SCARB1: variants seen among roughly 807,000 people sequenced by gnomAD.
SCARB1 encodes scavenger receptor class B member 1.
Under a neutral mutation model 57.2 loss-of-function variants are expected in SCARB1, and 30 were observed. The observed-to-expected ratio is 0.52, with a 90% confidence interval of 0.39 to 0.71. The LOEUF (loss-of-function observed/expected upper bound fraction) is 0.71, where lower values mean the gene tolerates loss of function less well. Ranked by LOEUF, SCARB1 falls within the 30% of genes least tolerant of loss-of-function variation. The pLI, the probability that SCARB1 is intolerant of heterozygous loss-of-function variation, is 0.00. For synonymous variants in SCARB1, 249 were observed against 268.3 expected (o/e 0.93, Z 0.70); for missense variants, 543 against 671.2 (o/e 0.81, Z 2.11).
chr12:124,801,338 G>T (rs970088337), intron 7 of SCARB1, among the ~76,000 whole-genome samples: 2 of 152,192 alleles, frequency 1.3e-5, no homozygotes, highest in African/African-American at 2.4e-5. Flanking sequence ...TCCTTTTGGG[G>T]TGACAGAAAT....
chr12:124,787,563 A>T (rs1300587559), intron 9 of SCARB1, 106 bp from the exon 10 acceptor site: 2 of 962,242 alleles, frequency 2.1e-6, no homozygotes, highest in Non-Finnish European at 3.2e-6. Context: ...AATTTTGCAC[A>T]CACTAAACCC....
rs751960674 is a variant in SCARB1 at position 124,814,142 on chromosome 12, G to A, written c.630+60C>T. 383 of 1,488,846 alleles carry A rather than the reference G, an allele frequency of 2.6e-4. 1 individual carries two copies. The highest frequency in any genetic ancestry group is 3.1e-4 in the Non-Finnish European group (330 of 1,066,686). The allele number at this position is 1,488,846 out of a possible 1,614,324, so 92.2% of individuals were successfully genotyped here. A position where few individuals can be genotyped will look rare whatever the true frequency, so the allele number is the denominator to read the frequency against. Reference sequence around the variant, plus strand: ...CAAGCTGGTGACCAGTGTCCAGGCTGTGTGAGGGGAAGACAGGACACAGGC... The same window carrying A: ...CAAGCTGGTGACCAGTGTCCAGGCTATGTGAGGGGAAGACAGGACACAGGC... On this transcript the variant is annotated intron_variant, in intron 4 of 12. Coordinates refer to ENST00000261693, the MANE Select transcript of SCARB1 (RefSeq NM_005505.5). The surrounding 1 kb of genome is among the most constrained non-coding windows in gnomAD (Gnocchi z 4.7).
chr12:124,843,688 T>A (rs1952009917), intron 1 of SCARB1, among the ~76,000 whole-genome samples: 1 of 152,076 alleles, frequency 6.6e-6, no homozygotes, highest in African/African-American at 2.4e-5. Flanking sequence ...GATGAGATCA[T>A]CCTGGATTTA....
chr12:124,814,162 A>C lies in SCARB1; in HGVS notation c.630+40T>G. 6.8e-5 allele frequency: 101 copies of C among 1,494,648 alleles called. No individual in the cohort carries two copies. The highest frequency in any genetic ancestry group is 8.7e-5 in the Non-Finnish European group (93 of 1,071,738). 92.6% of individuals were successfully genotyped at this position (1,494,648 alleles called of 1,614,324 possible). A position where few individuals can be genotyped will look rare whatever the true frequency, so the allele number is the denominator to read the frequency against. ...AGGCTGTGTGAGGGGAAGACAGGAC[A>C]CAGGCCTGAATCTTTGGCTTCTCAC... On this transcript the variant is annotated intron_variant, in intron 4 of 12. Coordinates refer to ENST00000261693, the MANE Select transcript of SCARB1 (RefSeq NM_005505.5). The surrounding 1 kb of genome is among the most constrained non-coding windows in gnomAD (Gnocchi z 4.7).
At chr12:124,835,005 G>A (rs900271044) in intron 1 of SCARB1, among the ~76,000 whole-genome samples, 4 of 152,162 alleles carry the variant, frequency 2.6e-5, no homozygotes, top group African/African-American at 4.8e-5. Flanking sequence ...CAGGTCTGCC[G>A]ACTCAGACAC....
Position 124,810,095 on chromosome 12 carries a change from C to T in SCARB1, c.842+79G>A. 1 of 886,996 alleles carries T rather than the reference C, an allele frequency of 1.1e-6. No individual in the cohort carries two copies. Among genetic ancestry groups the T allele is most frequent in the Non-Finnish European group, 1.9e-6 (1 of 534,200 alleles). The allele number at this position is 886,996 out of a possible 1,614,324, so 54.9% of individuals were successfully genotyped here. On this transcript the variant is annotated intron_variant, in intron 6 of 12. Coordinates refer to ENST00000261693, the MANE Select transcript of SCARB1 (RefSeq NM_005505.5). The surrounding 1 kb of genome is among the most constrained non-coding windows in gnomAD (Gnocchi z 4.0). ...AATCCACGATGAGTCAAAATGCTTT[C>T]CAAGTGCACAGCCAACACCACAGAA...
At chr12:124,785,051 C>G (rs1438234445) in intron 11 of SCARB1, 1 of 152,384 alleles carries the variant, frequency 6.6e-6, no homozygotes, top group East Asian at 1.9e-4. Context: ...CCTGCTGCTT[C>G]TGGAGGTCTG....
At chr12:124,843,299 G>T (rs12299310) in intron 1 of SCARB1, among the ~76,000 whole-genome samples, 2,646 of 143,366 alleles carry the variant, frequency 0.018, 129 homozygotes, top group African/African-American at 0.063. Context: ...ATGGGGGGGG[G>T]GGTCTTACTA....
intron 10 of SCARB1, among the ~76,000 whole-genome samples, chr12:124,787,109 T>C (rs759223121): frequency 2.0e-5 from 3 of 152,222 alleles, no homozygotes; most frequent in Non-Finnish European, 4.4e-5. Flanking sequence ...CTTCCCCACT[T>C]TCAGGAGAAG....
intron 1 of SCARB1, chr12:124,821,572 A>G: frequency 1.0e-6 from 1 of 984,722 alleles, no homozygotes; most frequent in Non-Finnish European, 1.2e-6. Flanking sequence ...ATCTTCAGAG[A>G]CCCAGCGCAG....
In SCARB1 at chr12:124,828,045, T is replaced by C. The variant is rs78721887; in HGVS notation, c.127-10338A>G. ...AGCAAAAGTGAGACCTGAAACCATA[T>C]AATCAACGTGGAAATGTCTAGCGGG... On this transcript the variant is annotated intron_variant, in intron 1 of 12. Coordinates refer to ENST00000261693, the MANE Select transcript of SCARB1 (RefSeq NM_005505.5). 1.0e-3 allele frequency among the ~76,000 whole-genome samples: 155 copies of C among 152,160 alleles called. No individual in the cohort carries two copies. In the East Asian group the frequency reaches 0.01, roughly 10 times the overall value.
chr12:124,779,471 C>A (rs1211420649), intron 12 of SCARB1, among the ~76,000 whole-genome samples: 1 of 151,894 alleles, frequency 6.6e-6, no homozygotes, highest in Admixed American at 6.6e-5. Context: ...ATGCGGGGCG[C>A]AGGACGTGGG....
chr12:124,800,129 G>A lies in SCARB1; in HGVS notation c.1123C>T (p.His375Tyr). Reference protein sequence around the residue: ...QEAHSLFLDIHPVTGIPMNCS... With the variant: ...QEAHSLFLDIYPVTGIPMNCS... ...AGAGGATGGCAGGGGCTCACCGGGT[G>A]GATGTCCAGGAACAAGGAGTGTGCC... is the stretch of plus-strand genomic sequence containing the variant. The change falls in exon 8 of 13, where the codon CAC becomes TAC. Residue 375 changes from histidine (H) to tyrosine (Y), a missense_variant. Coordinates refer to ENST00000261693, the MANE Select transcript of SCARB1 (RefSeq NM_005505.5). This position sits in a 1 kb window ranked among gnomAD's most constrained non-coding sequence, Gnocchi z 4.8. 6.2e-7 allele frequency: 1 copy of A among 1,611,442 alleles called. No individual in the cohort carries two copies. The highest frequency in any genetic ancestry group is 1.7e-5 in the Admixed American group (1 of 60,028).
At chr12:124,828,725 A>T (rs1187840876) in intron 1 of SCARB1, among the ~76,000 whole-genome samples, 2 of 152,328 alleles carry the variant, frequency 1.3e-5, no homozygotes, top group Middle Eastern at 3.4e-3. Flanking sequence ...CTCCTAGGCC[A>T]TCCCCGCTGG....
chr12:124,855,224 C>G (rs1952579553), intron 1 of SCARB1, among the ~76,000 whole-genome samples: 1 of 152,184 alleles, frequency 6.6e-6, no homozygotes, highest in South Asian at 2.1e-4. Flanking sequence ...GTTCCTTCCC[C>G]CTCCCCAGCA....
At chr12:124,805,750 G>T (rs1726329) in intron 7 of SCARB1, among the ~76,000 whole-genome samples, 2,238 of 17,368 alleles carry the variant, frequency 0.13, 35 homozygotes, top group East Asian at 0.23. Flanking sequence ...TTTTTTTTTT[G>T]GCCAGAGAGA....
chr12:124,852,998 C>T (rs140789379), intron 1 of SCARB1, among the ~76,000 whole-genome samples: 15 of 152,222 alleles, frequency 9.9e-5, no homozygotes, highest in African/African-American at 3.6e-4. Flanking sequence ...GAGATGGGGC[C>T]ATTGCCCTCC....
chr12:124,791,915 T>C (rs563890356), intron 9 of SCARB1, among the ~76,000 whole-genome samples: 15 of 151,698 alleles, frequency 9.9e-5, no homozygotes, highest in Admixed American at 2.0e-4. Flanking sequence ...AATCGCGCCA[T>C]TGTACTCCAG....
At chr12:124,823,994 G>A (rs561897943) in intron 1 of SCARB1, among the ~76,000 whole-genome samples, 1 of 150,656 alleles carries the variant, frequency 6.6e-6, no homozygotes, top group South Asian at 2.1e-4. Context: ...GTGAAACCCC[G>A]CCTCTATTAA....
Sources: allele counts gnomAD v4.1 joint callset (sites outside exome capture counted in the v4.1 genomes callset), GRCh38; gene constraint gnomAD v4.1.1; non-coding constraint Gnocchi (gnomAD v3.1); transcripts MANE v1.5; gene names NCBI Gene and HGNC (gene_info 2026-07-23, HGNC 2026-07-21).